AAK1: variants seen among roughly 807,000 people sequenced by gnomAD.
AAK1 encodes the protein AP2-associated protein kinase 1.
AAK1 carries 37 observed loss-of-function variants against 116.0 expected under a neutral mutation model. That is an observed-to-expected ratio of 0.32 (90% CI 0.25 to 0.42). AAK1 has a LOEUF of 0.42. AAK1 is among the 10% of genes least tolerant of loss of function. AAK1 has a pLI of 1.00. For synonymous variants in AAK1, 458 were observed against 439.9 expected, an observed-to-expected ratio of 1.04 and a Z score of -0.51; for missense variants, 919 against 1,170.6, an observed-to-expected ratio of 0.79 and a Z score of 3.14.
intron 2 of AAK1, among the ~76,000 whole-genome samples, chr2:69,622,954 A>C (rs539218243): frequency 1.5e-3 from 220 of 151,046 alleles, no homozygotes; most frequent in African/African-American, 5.3e-3. Flanking sequence ...AAAATGGACC[A>C]ATCAGCAGAA....
intron 2 of AAK1, among the ~76,000 whole-genome samples, chr2:69,626,798 C>T (rs573265014): frequency 1.7e-3 from 261 of 152,046 alleles, no homozygotes; most frequent in African/African-American, 6.1e-3. Flanking sequence ...CCAGGGCACT[C>T]GGCCCCTTCT....
At chr2:69,570,597 G>A (rs76939826) in intron 2 of AAK1, among the ~76,000 whole-genome samples, 7,321 of 152,052 alleles carry the variant, frequency 0.048, 478 homozygotes, top group East Asian at 0.18. Context: ...TCTAGGTAGG[G>A]CACCTGAAAA....
At chr2:69,623,228 C>T (rs1311059145) in intron 2 of AAK1, among the ~76,000 whole-genome samples, 1 of 152,148 alleles carries the variant, frequency 6.6e-6, no homozygotes, top group African/African-American at 2.4e-5. Flanking sequence ...AAGGAACAAA[C>T]TCCAAACACA....
chr2:69,536,007 T>C (rs1476329924), intron 5 of AAK1, among the ~76,000 whole-genome samples: 2 of 152,240 alleles, frequency 1.3e-5, no homozygotes, highest in African/African-American at 4.8e-5. Flanking sequence ...GAGTATTTCA[T>C]ATAATCCTTA....
At chr2:69,599,379 TAAAAAA>T (rs34685588) in intron 2 of AAK1, among the ~76,000 whole-genome samples, 2 of 103,562 alleles carry the variant, frequency 1.9e-5, no homozygotes, top group Non-Finnish European at 4.3e-5. Context: ...TAGTTCTGTG[TAAAAAA>T]AAAAAAAAAA....
intron 2 of AAK1, among the ~76,000 whole-genome samples, chr2:69,591,639 C>T (rs920748302): frequency 4.0e-5 from 6 of 150,158 alleles, no homozygotes; most frequent in Middle Eastern, 3.4e-3. Context: ...GGCGCAATCT[C>T]GGCTCACTAC....
chr2:69,497,426 C>T (rs376873675), intron 16 of AAK1, among the ~76,000 whole-genome samples: 7 of 151,238 alleles, frequency 4.6e-5, no homozygotes, highest in East Asian at 3.9e-4. Flanking sequence ...CTCAGCCTCC[C>T]GAGTAGCTGG....
intron 2 of AAK1, among the ~76,000 whole-genome samples, chr2:69,570,256 A>G (rs946561601): frequency 1.3e-5 from 2 of 151,680 alleles, no homozygotes; most frequent in African/African-American, 4.8e-5. Flanking sequence ...AGGTTCACAC[A>G]TGCTGTTTCC....
At chr2:69,551,931 T>C (rs1671199575) in intron 3 of AAK1, among the ~76,000 whole-genome samples, 1 of 152,202 alleles carries the variant, frequency 6.6e-6, no homozygotes, top group Non-Finnish European at 1.5e-5. Context: ...AACGTGCCCG[T>C]TGTTCTGCCA....
Position 69,475,601 on chromosome 2 carries a change from T to G in AAK1, c.*268A>C, listed in dbSNP as rs1327406902. On this transcript the variant is annotated 3_prime_UTR_variant, in exon 22 of 22. Transcript: ENST00000409085. ...CAGAGGTGAAGCTCATGGCATCTAG[T>G]GCTTGATTTAAGATAATGCTATTGA... 2 of 1,198,632 alleles carry G rather than the reference T, an allele frequency of 1.7e-6. No homozygotes were observed. Among genetic ancestry groups the G allele is most frequent in the African/African-American group, 3.1e-5 (2 of 64,434 alleles). The allele number at this position is 1,198,632 out of a possible 1,614,324, so 74.2% of individuals were successfully genotyped here.
chr2:69,529,926 C>A, intron 8 of AAK1, 82 bp downstream of exon 8: 1 of 1,243,264 alleles, frequency 8.0e-7, no homozygotes. Flanking sequence ...CTCATTACTC[C>A]TGGAATCTAA....
intron 11 of AAK1, among the ~76,000 whole-genome samples, chr2:69,520,622 C>T (rs982999744): frequency 6.6e-6 from 1 of 152,162 alleles, no homozygotes; most frequent in Admixed American, 6.5e-5. Context: ...CCGCCTTAGC[C>T]TCCCAAAGTG....
chr2:69,622,193 A>T (rs1674668518), intron 2 of AAK1, among the ~76,000 whole-genome samples: 1 of 152,200 alleles, frequency 6.6e-6, no homozygotes, highest in Non-Finnish European at 1.5e-5. Context: ...AGCGGGCCCC[A>T]GGCAGTGAGG....
intron 1 of AAK1, 118 bp from the exon 2 acceptor site, chr2:69,643,392 G>A: frequency 2.5e-6 from 3 of 1,179,960 alleles, no homozygotes; most frequent in South Asian, 4.3e-5. Flanking sequence ...GTATTTTCCC[G>A]GCGAGAAAAA....
rs112015227 is a variant in AAK1, at chr2:69,628,472, G to A, written c.163+14406C>T. Among the ~76,000 whole-genome samples, 1,165 of 152,108 alleles carry A rather than the reference G, an allele frequency of 7.7e-3. 12 individuals carry two copies. The highest frequency in any genetic ancestry group is 0.027 in the African/African-American group (1,118 of 41,492). On this transcript the variant is annotated intron_variant, in intron 2 of 21. Transcript: ENST00000409085. ...TATTCACATAAGACAAGCTCAGAGAGGGGAAGTGATATATCCAAGATCACT... is the reference window on the plus strand; with the variant it reads ...TATTCACATAAGACAAGCTCAGAGAAGGGAAGTGATATATCCAAGATCACT...
intron 2 of AAK1, among the ~76,000 whole-genome samples, chr2:69,587,939 T>G (rs1202890286): frequency 6.6e-6 from 1 of 151,960 alleles, no homozygotes; most frequent in African/African-American, 2.4e-5. Flanking sequence ...TTTTTTAAAT[T>G]TTTTGTAGAG....
intron 2 of AAK1, among the ~76,000 whole-genome samples, chr2:69,620,147 A>G (rs146398792): frequency 2.6e-5 from 4 of 152,366 alleles, no homozygotes; most frequent in Non-Finnish European, 5.9e-5. Flanking sequence ...ACAGCAACGA[A>G]GGCAGTAAGA....
intron 15 of AAK1, among the ~76,000 whole-genome samples, chr2:69,506,266 A>G (rs1441005762): frequency 2.0e-5 from 3 of 152,244 alleles, no homozygotes; most frequent in African/African-American, 7.2e-5. Flanking sequence ...ATTTCTATTT[A>G]CAGTCCAGAA....
chr2:69,625,298 G>A (rs895827337), intron 2 of AAK1, among the ~76,000 whole-genome samples: 3 of 152,118 alleles, frequency 2.0e-5, no homozygotes, highest in African/African-American at 7.2e-5. Flanking sequence ...GCAGCAAGAA[G>A]GACAGCTAAC....
Sources: gnomAD v4.1 joint callset for allele counts (sites outside exome capture counted in the v4.1 genomes callset) on GRCh38, gnomAD v4.1.1 for gene constraint, MANE v1.5 for transcripts, NCBI Gene and HGNC (gene_info 2026-07-23, HGNC 2026-07-21) for gene names.